Variants in GRM5 observed in about 807,000 individuals in gnomAD.
The protein encoded by GRM5 is metabotropic glutamate receptor 5.
A neutral mutation model predicts 83.1 loss-of-function variants in GRM5; 19 were observed. The observed-to-expected ratio is 0.23, with a 90% CI of 0.16 to 0.34. GRM5 has a LOEUF of 0.34. Among genes scored for constraint, GRM5 ranks in the 10% least tolerant of loss-of-function variants. The probability of loss-of-function intolerance (pLI) is 1.00; values close to 1 mark genes in which losing one functional copy is unlikely to be tolerated. For synonymous variants in GRM5, 675 were observed against 633.6 expected (o/e 1.07, Z -0.98); for missense variants, 1,160 against 1,588.3 (o/e 0.73, Z 4.58).
intron 3 of GRM5, among the ~76,000 whole-genome samples, chr11:88,704,480 A>C (rs1285474374): frequency 6.6e-6 from 1 of 151,878 alleles, no homozygotes; most frequent in African/African-American, 2.4e-5. Flanking sequence ...CTGCCAAAGA[A>C]ACTCAAAGCC....
chr11:88,525,977 T>C (rs1235701120), intron 8 of GRM5, among the ~76,000 whole-genome samples: 1 of 152,234 alleles, frequency 6.6e-6, no homozygotes, highest in African/African-American at 2.4e-5. Flanking sequence ...CATTATAATG[T>C]GTTGCCTTCC....
chr11:88,950,023 C>G (rs1380822685), intron 2 of GRM5, among the ~76,000 whole-genome samples: 1 of 147,260 alleles, frequency 6.8e-6, no homozygotes, highest in Non-Finnish European at 1.5e-5. Context: ...TGCCACCAAG[C>G]CTGGCTAATT....
intron 3 of GRM5, among the ~76,000 whole-genome samples, chr11:88,782,473 T>C (rs1329343516): frequency 6.6e-6 from 1 of 152,138 alleles, no homozygotes; most frequent in Non-Finnish European, 1.5e-5. Context: ...AGCAAAGACC[T>C]GCCCTTGTGA....
chr11:88,705,905 CACTT>C (rs750284883), intron 3 of GRM5, among the ~76,000 whole-genome samples: 9 of 152,002 alleles, frequency 5.9e-5, no homozygotes, highest in Non-Finnish European at 1.3e-4. Context: ...TCTATTAAAG[CACTT>C]ACTATGTATC....
intron 8 of GRM5, among the ~76,000 whole-genome samples, chr11:88,528,483 T>C (rs1941931151): frequency 6.6e-6 from 1 of 152,022 alleles, no homozygotes; most frequent in South Asian, 2.1e-4. Context: ...GTTTAAAAAC[T>C]CAACATTTTT....
intron 3 of GRM5, among the ~76,000 whole-genome samples, chr11:88,788,010 C>T (rs1240792707): frequency 6.6e-6 from 1 of 152,082 alleles, no homozygotes; most frequent in Non-Finnish European, 1.5e-5. Flanking sequence ...GTATTCGTCC[C>T]TAGGTCAGCA....
At chr11:88,871,430 G>T (rs567902553) in intron 2 of GRM5, among the ~76,000 whole-genome samples, 1 of 151,604 alleles carries the variant, frequency 6.6e-6, no homozygotes, top group Non-Finnish European at 1.5e-5. Context: ...AGAATGGAAA[G>T]GTGCCCTATA....
chr11:88,628,652 A>T (rs1938874469), intron 4 of GRM5, among the ~76,000 whole-genome samples: 1 of 151,234 alleles, frequency 6.6e-6, no homozygotes, highest in Admixed American at 6.6e-5. Flanking sequence ...TGGCATTTAC[A>T]TATCATGACA....
chr11:88,894,676 GT>G (rs56807408), intron 2 of GRM5, among the ~76,000 whole-genome samples: 146,247 of 151,958 alleles, frequency 0.96, 70,418 homozygotes, highest in East Asian at 0.99. Context: ...ATTCCTGTTT[GT>G]GTTCTCCTCA....
At chr11:88,823,624 T>C (rs1299784216) in intron 3 of GRM5, among the ~76,000 whole-genome samples, 1 of 152,132 alleles carries the variant, frequency 6.6e-6, no homozygotes, top group Non-Finnish European at 1.5e-5. Flanking sequence ...CTCTGGCTGA[T>C]CACCCATGTT....
At chr11:88,633,936 G>A (rs11826853) in intron 4 of GRM5, among the ~76,000 whole-genome samples, 10,313 of 152,166 alleles carry the variant, frequency 0.068, 873 homozygotes, top group African/African-American at 0.2. Context: ...CTTAGAGGGT[G>A]GTTATGCACA....
intron 3 of GRM5, among the ~76,000 whole-genome samples, chr11:88,745,790 G>C (rs1159197212): frequency 6.6e-6 from 1 of 152,150 alleles, no homozygotes; most frequent in Non-Finnish European, 1.5e-5. Context: ...TGTAGTGATA[G>C]AGCCTCTAGC....
chr11:88,694,833 G>T (rs1254943297), intron 3 of GRM5, among the ~76,000 whole-genome samples: 1 of 152,148 alleles, frequency 6.6e-6, no homozygotes, highest in Non-Finnish European at 1.5e-5. Context: ...TCTCGGGACA[G>T]ATTATTTCTC....
chr11:88,552,724 T>C (rs1277289563), intron 8 of GRM5, among the ~76,000 whole-genome samples: 1 of 152,178 alleles, frequency 6.6e-6, no homozygotes, highest in African/African-American at 2.4e-5. Flanking sequence ...ACACAAGGTC[T>C]GATTCTTCTC....
chr11:88,595,637 A>T (rs1937778052), intron 6 of GRM5, among the ~76,000 whole-genome samples: 1 of 152,150 alleles, frequency 6.6e-6, no homozygotes, highest in African/African-American at 2.4e-5. Flanking sequence ...CATTTTCCTT[A>T]TCCATTCATC....
chr11:88,744,244 AG>A (rs1942086319), intron 3 of GRM5, among the ~76,000 whole-genome samples: 1 of 152,188 alleles, frequency 6.6e-6, no homozygotes, highest in African/African-American at 2.4e-5. Flanking sequence ...GAAAGGCCAG[AG>A]GGAAAAAATG....
intron 9 of GRM5, 143 bp from the exon 10 acceptor site, chr11:88,509,647 A>G (rs1412486792): frequency 6.4e-6 from 4 of 625,942 alleles, no homozygotes; most frequent in South Asian, 5.8e-5. Flanking sequence ...TCAAAAGGAC[A>G]TCATGGAAAG....
At chr11:88,519,442 G>A (rs549459164) in intron 9 of GRM5, among the ~76,000 whole-genome samples, 2 of 152,124 alleles carry the variant, frequency 1.3e-5, no homozygotes, top group African/African-American at 4.8e-5. Flanking sequence ...CTGGGTGGCT[G>A]ATAACATAGT....
At chr11:88,885,667 T>A (rs1945032966) in intron 2 of GRM5, among the ~76,000 whole-genome samples, 1 of 151,760 alleles carries the variant, frequency 6.6e-6, no homozygotes, top group Admixed American at 6.6e-5. Flanking sequence ...AATATGCAGT[T>A]CTCATAAAAA....
Sources: allele counts gnomAD v4.1 joint callset (sites outside exome capture counted in the v4.1 genomes callset), GRCh38; gene constraint gnomAD v4.1.1; transcripts MANE v1.5; gene names NCBI Gene and HGNC (gene_info 2026-07-23, HGNC 2026-07-21).